NTN1: variants seen among roughly 807,000 people sequenced by gnomAD.
NTN1 encodes the protein netrin 1, also known as netrin-1.
In NTN1, 11 loss-of-function variants were observed where a neutral mutation model predicts 54.2. That is an observed-to-expected ratio of 0.20 (90% CI 0.13 to 0.34). NTN1 has a LOEUF of 0.34. Among genes scored for constraint, NTN1 ranks in the 10% least tolerant of loss-of-function variants. NTN1 has a pLI of 1.00. For missense variants in NTN1, 740 were observed against 893.1 expected (o/e 0.83, Z 2.18); for synonymous variants, 371 against 382.0 (o/e 0.97, Z 0.33).
At chr17:9,108,423 G>A (rs2092176434) in intron 2 of NTN1, among the ~76,000 whole-genome samples, 1 of 152,194 alleles carries the variant, frequency 6.6e-6, no homozygotes, top group East Asian at 1.9e-4. Context: ...GTCACACGCA[G>A]AGGCTACTGT....
chr17:9,074,781 A>T (rs992075938), intron 2 of NTN1, among the ~76,000 whole-genome samples: 1 of 152,216 alleles, frequency 6.6e-6, no homozygotes, highest in African/African-American at 2.4e-5. Flanking sequence ...GCTGGATGCA[A>T]AAGTCCTATG....
chr17:9,020,106 G>A (rs1474244277), upstream of NTN1, among the ~76,000 whole-genome samples: 2 of 152,176 alleles, frequency 1.3e-5, no homozygotes, highest in African/African-American at 4.8e-5. Context: ...CCAAGGAGAC[G>A]GAGCTGGGCC....
chr17:9,081,707 A>G (rs2085417030), intron 2 of NTN1, among the ~76,000 whole-genome samples: 2 of 152,216 alleles, frequency 1.3e-5, no homozygotes, highest in African/African-American at 2.4e-5. Flanking sequence ...GATTGATGAC[A>G]GTCCCTTGCA....
At chr17:9,129,116 C>T (rs958273204) in intron 2 of NTN1, among the ~76,000 whole-genome samples, 1 of 152,206 alleles carries the variant, frequency 6.6e-6, no homozygotes, top group Non-Finnish European at 1.5e-5. Flanking sequence ...AAAGAGAGGG[C>T]GAGATTAACA....
At chr17:9,120,284 CAAA>C (rs35302549) in intron 2 of NTN1, among the ~76,000 whole-genome samples, 3 of 98,356 alleles carry the variant, frequency 3.1e-5, no homozygotes, top group African/African-American at 3.9e-5. Flanking sequence ...GACTCCGTCT[CAAA>C]AAAAAAAAAA....
At position 9,122,735 on chromosome 17, in the gene NTN1, G is replaced by A. The variant is rs111582762; in HGVS notation, c.1019-40078G>A. 5.9e-5 allele frequency among the ~76,000 whole-genome samples: 9 copies of A among 152,344 alleles called. 1 individual carries two copies. Among genetic ancestry groups the A allele is most frequent in the African/African-American group, 2.2e-4 (9 of 41,580 alleles). On this transcript the variant is annotated intron_variant, in intron 2 of 6. Coordinates refer to ENST00000173229, the MANE Select transcript of NTN1 (RefSeq NM_004822.3). The stretch of plus-strand genomic sequence containing the variant: ...AGTTTATCCCACCAGCCAGAGTGAC[G>A]ATGTTAATACCCTGTGGTGTGTCTG...
At chr17:9,107,428 C>G (rs9915260) in intron 2 of NTN1, among the ~76,000 whole-genome samples, 124,332 of 152,202 alleles carry the variant, frequency 0.82, 51,097 homozygotes, top group East Asian at 0.95. Context: ...GCACTTACTC[C>G]CCGGTTATGA....
chr17:9,137,375 A>T (rs775898328), intron 2 of NTN1, among the ~76,000 whole-genome samples: 40 of 152,184 alleles, frequency 2.6e-4, no homozygotes, highest in Non-Finnish European at 2.2e-4. Flanking sequence ...AGGTGTCCCC[A>T]GTACCTAGAA....
rs146417617 is a variant in NTN1, at chr17:9,132,593, G to A, written c.1019-30220G>A. 3.9e-5 allele frequency among the ~76,000 whole-genome samples: 6 copies of A among 151,970 alleles called. 1 individual carries two copies. The highest frequency in any genetic ancestry group is 1.9e-4 in the East Asian group (1 of 5,172). ...CAGCAAGGAAAAGAATGACACGTCC[G>A]GCCAGGCGCAGTGGCTCACGCCTGT... On this transcript the variant is annotated intron_variant, in intron 2 of 6. Transcript: ENST00000173229.
At chr17:9,029,681 T>C (rs2091882881) in intron 2 of NTN1, among the ~76,000 whole-genome samples, 1 of 152,240 alleles carries the variant, frequency 6.6e-6, no homozygotes, top group Non-Finnish European at 1.5e-5. Context: ...AAGAAGTAGA[T>C]TTTAATTTGC....
chr17:9,114,890 T>C (rs2092205497), intron 2 of NTN1, among the ~76,000 whole-genome samples: 1 of 152,262 alleles, frequency 6.6e-6, no homozygotes. Context: ...ATGAAACTGC[T>C]GTTCCCATCT....
intron 2 of NTN1, among the ~76,000 whole-genome samples, chr17:9,051,490 G>A (rs1259084011): frequency 2.6e-5 from 4 of 152,310 alleles, no homozygotes; most frequent in African/African-American, 9.6e-5. Flanking sequence ...TCTCCACTTT[G>A]CAGTATGTGG....
chr17:9,119,007 G>A (rs1329298288), intron 2 of NTN1, among the ~76,000 whole-genome samples: 2 of 152,156 alleles, frequency 1.3e-5, no homozygotes, highest in African/African-American at 4.8e-5. Flanking sequence ...TATATGCCTA[G>A]AAGTGGAATA....
intron 2 of NTN1, among the ~76,000 whole-genome samples, chr17:9,160,171 G>A (rs1435834800): frequency 1.3e-5 from 2 of 152,076 alleles, no homozygotes; most frequent in African/African-American, 2.4e-5. Flanking sequence ...GAGTACAGTG[G>A]TGGCTCATGG....
rs1489559891 is a variant in NTN1 at position 9,239,218 on chromosome 17, G to A, written c.1487-422G>A. 6.6e-6 allele frequency among the ~76,000 whole-genome samples: 1 copy of A among 152,196 alleles called. No individual in the cohort carries two copies. The highest frequency in any genetic ancestry group is 1.5e-5 in the Non-Finnish European group (1 of 68,036). On this transcript the variant is annotated intron_variant, in intron 6 of 6. Coordinates refer to ENST00000173229, the MANE Select transcript of NTN1 (RefSeq NM_004822.3). This position sits in a 1 kb window ranked among gnomAD's most constrained non-coding sequence, Gnocchi z 5.2. ...AGGCTGTGTGTGGAGTGTCATGAGGGCTGGTGTAAAGTGACTTGGGCCTTT... is the reference window on the plus strand; with the variant it reads ...AGGCTGTGTGTGGAGTGTCATGAGGACTGGTGTAAAGTGACTTGGGCCTTT...
At chr17:9,090,517 C>T (rs1312287125) in intron 2 of NTN1, among the ~76,000 whole-genome samples, 1 of 152,070 alleles carries the variant, frequency 6.6e-6, no homozygotes. Context: ...TAAGGACTCT[C>T]TGTGACTCAC....
At chr17:9,223,365 A>G (rs1356783200) in intron 6 of NTN1, among the ~76,000 whole-genome samples, 3 of 152,148 alleles carry the variant, frequency 2.0e-5, no homozygotes, top group Non-Finnish European at 4.4e-5. Context: ...CAGCCTGGCC[A>G]ACATGATGAA....
At position 9,239,835 on chromosome 17, in the gene NTN1, C is replaced by T. The variant is rs774523281; in HGVS notation, c.1682C>T (p.Ala561Val). 1.3e-5 allele frequency: 21 copies of T among 1,613,250 alleles called. No individual in the cohort carries two copies. Among genetic ancestry groups the T allele is most frequent in the Non-Finnish European group, 1.5e-5 (18 of 1,179,974 alleles). The change falls in exon 7 of 7, where the codon GCG becomes GTG. Residue 561 changes from alanine to valine, a missense_variant. Transcript: ENST00000173229. This position sits in a 1 kb window ranked among gnomAD's most constrained non-coding sequence, Gnocchi z 5.2. ...AAGAAGTACCTGCTGCTGGGCAACG[C>T]GGAGGACTCTCCGGACCAGAGCGGC... ...PLKKYLLLGN[A>V]EDSPDQSGIV...
At chr17:9,225,390 T>G (rs1316386299) in intron 6 of NTN1, among the ~76,000 whole-genome samples, 1 of 152,070 alleles carries the variant, frequency 6.6e-6, no homozygotes, top group African/African-American at 2.4e-5. Context: ...AGAGGAGCCC[T>G]GCGGGGTGGG....
Sources: gnomAD v4.1 joint callset for allele counts (sites outside exome capture counted in the v4.1 genomes callset) on GRCh38, gnomAD v4.1.1 for gene constraint, Gnocchi (gnomAD v3.1) non-coding constraint, MANE v1.5 for transcripts, NCBI Gene and HGNC (gene_info 2026-07-23, HGNC 2026-07-21) for gene names.